PARP15: variants seen among roughly 807,000 people sequenced by gnomAD.
PARP15 encodes protein mono-ADP-ribosyltransferase PARP15.
In PARP15, 50 loss-of-function variants were observed where a neutral mutation model predicts 62.1. The observed-to-expected ratio is 0.81, with a 90% CI of 0.64 to 1.02. The LOEUF is 1.02. Among genes scored for constraint, PARP15 ranks in the 50% least tolerant of loss-of-function variants. PARP15 has a pLI of 0.00. For synonymous variants in PARP15, 309 were observed against 293.1 expected (o/e 1.05, Z -0.55); for missense variants, 820 against 826.5 (o/e 0.99, Z 0.10).
rs941321570 is a variant in PARP15, at chr3:122,636,447, T to C, written c.*347T>C. On this transcript the variant is annotated 3_prime_UTR_variant, in exon 12 of 12. Coordinates refer to ENST00000464300, the MANE Select transcript of PARP15 (RefSeq NM_001113523.3). ...AGATGACATTGTTCTTCTTGGAACA[T>C]GTTAAGACATCGAATGGTGGCGGGT... 8 of 246,006 alleles carry C rather than the reference T, an allele frequency of 3.3e-5. No homozygotes were observed. The highest frequency in any genetic ancestry group is 6.4e-5 in the Non-Finnish European group (8 of 125,822). The allele number at this position is 246,006 out of a possible 1,614,324, so 15.2% of individuals were successfully genotyped here.
rs3052715 is a variant in PARP15 at position 122,593,090 on chromosome 3, G to GTCTATCTATCTATCTATCTATCTATCTA, written c.187-12840_187-12813dup. ...TATAGACTAAAAGATAAAATTATCTGTCTATCTATCTATCTATCTATCTAT... is the reference window on the plus strand; with the variant it reads ...TATAGACTAAAAGATAAAATTATCTGTCTATCTATCTATCTATCTATCTATCTATCTATCTATCTATCTATCTATCTAT... On this transcript the variant is annotated intron_variant, in intron 1 of 11. Coordinates refer to ENST00000464300, the MANE Select transcript of PARP15 (RefSeq NM_001113523.3). Among the ~76,000 whole-genome samples the GTCTATCTATCTATCTATCTATCTATCTA allele has an allele frequency of 1.3e-3, 198 of 147,862 alleles. 1 individual carries two copies. Among genetic ancestry groups the GTCTATCTATCTATCTATCTATCTATCTA allele is most frequent in the Admixed American group, 2.5e-3 (36 of 14,672 alleles).
intron 8 of PARP15, among the ~76,000 whole-genome samples, chr3:122,626,499 A>G (rs966394537): frequency 6.6e-6 from 1 of 152,146 alleles, no homozygotes; most frequent in African/African-American, 2.4e-5. Context: ...CACCTGGCCT[A>G]GCAGCTGGCA....
chr3:122,598,288 A>G (rs1282645137), intron 1 of PARP15, among the ~76,000 whole-genome samples: 1 of 152,240 alleles, frequency 6.6e-6, no homozygotes, highest in Non-Finnish European at 1.5e-5. Context: ...TTTAGATAAC[A>G]AACATTTATT....
intron 1 of PARP15, among the ~76,000 whole-genome samples, chr3:122,599,571 T>C (rs191877168): frequency 2.2e-4 from 34 of 152,098 alleles, no homozygotes; most frequent in Admixed American, 5.9e-4. Context: ...TCTTTCCTTT[T>C]CTTCATTTAT....
At chr3:122,614,545 C>T (rs920060832) in intron 4 of PARP15, among the ~76,000 whole-genome samples, 1 of 151,992 alleles carries the variant, frequency 6.6e-6, no homozygotes, top group African/African-American at 2.4e-5. Context: ...AGTTTTTTTC[C>T]CCCGGTAAAT....
At chr3:122,589,999 C>T (rs36048412) in intron 1 of PARP15, among the ~76,000 whole-genome samples, 15,079 of 150,370 alleles carry the variant, frequency 0.1, 794 homozygotes, top group Admixed American at 0.14. Flanking sequence ...CATTCTTCTG[C>T]CTCACCCTCT....
Position 122,577,765 on chromosome 3 carries a change from C to T in PARP15, c.98C>T (p.Ala33Val). The T allele has an allele frequency of 6.4e-7, 1 of 1,551,646 alleles. No individual in the cohort carries two copies. The highest frequency in any genetic ancestry group is 2.4e-5 in the East Asian group (1 of 40,910). ...MHGVAGVTSR[A>V]GRDREAGSVL... The stretch of plus-strand genomic sequence containing the variant: ...GGAGTTGCAGGTGTTACTTCCAGAG[C>T]CGGACGAGATCGGGAGGCGGGGAGC... Residue 33 changes from alanine (A) to valine (V), a missense_variant, in exon 1 of 12, where the codon GCC becomes GTC. Around this residue, in one of 3 missense-constraint regions of PARP15, gnomAD observed 731 missense variants for 727.7 expected, o/e 1.00. Coordinates refer to ENST00000464300, the MANE Select transcript of PARP15 (RefSeq NM_001113523.3).
chr3:122,610,489 T>G lies in PARP15; in HGVS notation c.307-5T>G, dbSNP rs1293809174. The G allele has an allele frequency of 2.6e-6, 4 of 1,547,364 alleles. No individual in the cohort carries two copies. Among genetic ancestry groups the G allele is most frequent in the Non-Finnish European group, 3.5e-6 (4 of 1,145,546 alleles). On this transcript the variant is annotated splice_polypyrimidine_tract_variant and splice_region_variant and intron_variant, in intron 2 of 11. Coordinates refer to ENST00000464300, the MANE Select transcript of PARP15 (RefSeq NM_001113523.3). ...CAATCTCTAACTGTTGCTATTTTCG[T>G]TAAGGCCGATGTCATTGTCAACAGC...
intron 1 of PARP15, among the ~76,000 whole-genome samples, chr3:122,580,114 A>G (rs901910087): frequency 1.3e-5 from 2 of 150,548 alleles, no homozygotes; most frequent in African/African-American, 2.4e-5. Context: ...TTCCAAGCAC[A>G]CTTGAAAACA....
chr3:122,581,627 A>G (rs6776137), intron 1 of PARP15, among the ~76,000 whole-genome samples: 56,474 of 152,062 alleles, frequency 0.37, 10,921 homozygotes, highest in Admixed American at 0.46. Context: ...GGTTCTTTGT[A>G]TGTTCTGAAT....
chr3:122,604,723 T>C (rs561980947), intron 1 of PARP15, among the ~76,000 whole-genome samples: 2 of 150,966 alleles, frequency 1.3e-5, no homozygotes, highest in African/African-American at 4.9e-5. Flanking sequence ...TAGACGGGAG[T>C]GGTGGCGAGT....
chr3:122,605,651 G>A (rs1052279040), intron 1 of PARP15, among the ~76,000 whole-genome samples: 5 of 152,180 alleles, frequency 3.3e-5, no homozygotes, highest in Admixed American at 6.5e-5. Context: ...ATGGCTCACC[G>A]CCACCTTGAT....
chr3:122,598,885 C>T (rs1559941799), intron 1 of PARP15, among the ~76,000 whole-genome samples: 1 of 151,778 alleles, frequency 6.6e-6, no homozygotes, highest in East Asian at 1.9e-4. Context: ...TTATTTTATT[C>T]TTTTTTTTAT....
chr3:122,583,257 T>C (rs916901893), intron 1 of PARP15, among the ~76,000 whole-genome samples: 2 of 148,884 alleles, frequency 1.3e-5, no homozygotes, highest in Non-Finnish European at 1.5e-5. Context: ...AACGCTGGGA[T>C]TACAGGTGCC....
At chr3:122,601,238 G>A (rs1443063365) in intron 1 of PARP15, among the ~76,000 whole-genome samples, 1 of 151,878 alleles carries the variant, frequency 6.6e-6, no homozygotes, top group Admixed American at 6.6e-5. Context: ...TGGCCAGGCT[G>A]GTCTCAAACG....
Position 122,636,349 on chromosome 3 carries a change from A to C in PARP15, c.*249A>C. 1 of 452,240 alleles carries C rather than the reference A, an allele frequency of 2.2e-6. No homozygotes were observed. Among genetic ancestry groups the C allele is most frequent in the Non-Finnish European group, 4.0e-6 (1 of 252,020 alleles). The allele number at this position is 452,240 out of a possible 1,614,324, so 28.0% of individuals were successfully genotyped here. A position where few individuals can be genotyped will look rare whatever the true frequency, so the allele number is the denominator to read the frequency against. On this transcript the variant is annotated 3_prime_UTR_variant, in exon 12 of 12. Coordinates refer to ENST00000464300, the MANE Select transcript of PARP15 (RefSeq NM_001113523.3). ...GAGCTACAACCATTCACAGACACCAAATCTCTAGGAGAATAAAAAGCACAT... is the reference window on the plus strand; with the variant it reads ...GAGCTACAACCATTCACAGACACCACATCTCTAGGAGAATAAAAAGCACAT...
intron 1 of PARP15, 100 bp downstream of exon 1, chr3:122,577,953 C>T: frequency 7.7e-7 from 1 of 1,292,410 alleles, no homozygotes. Context: ...CCCCACGCCA[C>T]GCACAACCCT....
chr3:122,606,781 G>A (rs1439576911), intron 2 of PARP15, among the ~76,000 whole-genome samples: 1 of 152,168 alleles, frequency 6.6e-6, no homozygotes, highest in Non-Finnish European at 1.5e-5. Flanking sequence ...ATGCAGCTAG[G>A]GCTGAGAATC....
intron 1 of PARP15, among the ~76,000 whole-genome samples, chr3:122,593,189 A>G (rs1421748363): frequency 6.6e-6 from 1 of 151,548 alleles, no homozygotes; most frequent in Non-Finnish European, 1.5e-5. Flanking sequence ...TCCAGGCTGG[A>G]GTGCAGTGGC....
Sources: allele counts gnomAD v4.1 joint callset (sites outside exome capture counted in the v4.1 genomes callset), GRCh38; gene constraint gnomAD v4.1.1; regional missense constraint gnomAD v4.1.1; transcripts MANE v1.5; gene names NCBI Gene and HGNC (gene_info 2026-07-23, HGNC 2026-07-21).